Variants in APOO observed in about 807,000 individuals in gnomAD.
APOO encodes apolipoprotein O, also known as MICOS complex subunit MIC26.
A neutral mutation model predicts 23.1 loss-of-function variants in APOO; 11 were observed. The observed-to-expected ratio is 0.48, with a 90% CI of 0.30 to 0.79. The LOEUF is 0.79. APOO is among the 30% of genes least tolerant of loss of function. APOO has a pLI of 0.07. For missense variants in APOO, 160 were observed against 142.7 expected, an observed-to-expected ratio of 1.12 and a Z score of -0.62; for synonymous variants, 59 against 54.8, an observed-to-expected ratio of 1.08 and a Z score of -0.34.
chrX:23,852,771 A>C (rs1476303763), intron 7 of APOO, among the ~76,000 whole-genome samples: 2 of 110,935 alleles, frequency 1.8e-5, no homozygotes. Flanking sequence ...CTTCATCCAA[A>C]AATCATACAT....
In APOO at chrX:23,875,422, A is replaced by AT. The variant is rs111950064; in HGVS notation, c.238-966dup. On this transcript the variant is annotated intron_variant, in intron 3 of 8. Transcript: ENST00000379226. Reference sequence around the variant, plus strand: ...TTTTTATTTTTATTTTTATTAATTAATTTTTTTTTTTTTGAGATAGAGTTT... The same window carrying AT: ...TTTTTATTTTTATTTTTATTAATTAATTTTTTTTTTTTTTGAGATAGAGTTT... 9.2e-3 allele frequency among the ~76,000 whole-genome samples: 899 copies of AT among 97,764 alleles called. 3 individuals are homozygous for AT. The highest frequency in any genetic ancestry group is 0.015 in the Non-Finnish European group (709 of 48,392). The allele number at this position is 97,764 out of a possible 115,157, so 84.9% of individuals were successfully genotyped here.
At chrX:23,906,301 G>A (rs1286821808) in intron 1 of APOO, among the ~76,000 whole-genome samples, 1 of 112,774 alleles carries the variant, frequency 8.9e-6, no homozygotes, top group East Asian at 2.8e-4. Flanking sequence ...ATAGATAACT[G>A]AGACATTACC....
intron 7 of APOO, among the ~76,000 whole-genome samples, chrX:23,843,281 A>C: frequency 9.0e-6 from 1 of 111,452 alleles, no homozygotes; most frequent in East Asian, 2.8e-4. Flanking sequence ...TTGTTTGGTT[A>C]CATATCACTT....
At chrX:23,884,995 T>G (rs1926305857) in intron 1 of APOO, among the ~76,000 whole-genome samples, 1 of 111,779 alleles carries the variant, frequency 8.9e-6, no homozygotes, top group Admixed American at 9.6e-5. Context: ...ACTTAGAAAC[T>G]GTTGTCTTTT....
intron 4 of APOO, among the ~76,000 whole-genome samples, chrX:23,870,145 C>T: frequency 9.0e-6 from 1 of 110,983 alleles, no homozygotes; most frequent in Non-Finnish European, 1.9e-5. Context: ...CAACATGTGA[C>T]CTATTCATCA....
Position 23,858,636 on chromosome X carries a change from T to C in APOO, c.480+6A>G, listed in dbSNP as rs760500272. ...GGGACATCATGGATTACAGAGTTTC[T>C]CTTACCTGGGCAAACACGATGGCTT... On this transcript the variant is annotated splice_donor_region_variant and intron_variant, in intron 6 of 8. Coordinates refer to ENST00000379226, the MANE Select transcript of APOO (RefSeq NM_024122.5). 1.5e-5 allele frequency: 18 copies of C among 1,205,924 alleles called. No individual in the cohort carries two copies. The African/African-American group carries it at 3.0e-4, about 20-fold the overall frequency.
intron 7 of APOO, among the ~76,000 whole-genome samples, chrX:23,843,835 C>T (rs913190915): frequency 1.8e-5 from 2 of 111,421 alleles, no homozygotes; most frequent in African/African-American, 3.2e-5. Flanking sequence ...TTGCCTGCCT[C>T]GGCCTACAAA....
chrX:23,902,508 G>A (rs755423592), intron 1 of APOO, among the ~76,000 whole-genome samples: 17 of 111,361 alleles, frequency 1.5e-4, no homozygotes, highest in Non-Finnish European at 3.0e-4. Context: ...GTGTAATGAA[G>A]GAAATCTAAT....
chrX:23,838,550 G>A (rs918253344), intron 8 of APOO, among the ~76,000 whole-genome samples: 32 of 106,143 alleles, frequency 3.0e-4, no homozygotes, highest in South Asian at 1.3e-3. Flanking sequence ...CCAAGTAGCT[G>A]GGATTACAGG....
At chrX:23,858,368 T>C (rs1434276644) in intron 6 of APOO, among the ~76,000 whole-genome samples, 4 of 111,600 alleles carry the variant, frequency 3.6e-5, no homozygotes, top group African/African-American at 9.8e-5. Flanking sequence ...CATGTAAGTA[T>C]ACAAAAAATG....
At chrX:23,904,077 C>T (rs1927245531) in intron 1 of APOO, among the ~76,000 whole-genome samples, 1 of 111,460 alleles carries the variant, frequency 9.0e-6, no homozygotes, top group African/African-American at 3.3e-5. Context: ...TCCAAAGTGC[C>T]CAAATCAGTG....
intron 6 of APOO, among the ~76,000 whole-genome samples, chrX:23,857,074 C>A (rs979572713): frequency 9.1e-6 from 1 of 110,151 alleles, no homozygotes; most frequent in Non-Finnish European, 1.9e-5. Flanking sequence ...GAACAGAGAC[C>A]GAGGCCTACT....
intron 1 of APOO, among the ~76,000 whole-genome samples, chrX:23,888,930 A>G (rs907564493): frequency 2.9e-5 from 3 of 102,804 alleles, no homozygotes; most frequent in African/African-American, 1.1e-4. Context: ...ACTTGAGGCC[A>G]GAAGTTTAAG....
intron 1 of APOO, among the ~76,000 whole-genome samples, chrX:23,903,006 T>C (rs1927194451): frequency 8.9e-6 from 1 of 111,922 alleles, no homozygotes; most frequent in African/African-American, 3.2e-5. Context: ...ACAAGAACCA[T>C]TCATCTACCG....
At chrX:23,899,987 A>T (rs765981498) in intron 1 of APOO, among the ~76,000 whole-genome samples, 6 of 112,339 alleles carry the variant, frequency 5.3e-5, no homozygotes, top group Admixed American at 1.9e-4. Context: ...CTGTGCCTCT[A>T]ATCTCTCCGT....
chrX:23,877,764 A>T (rs1417678366), intron 3 of APOO, among the ~76,000 whole-genome samples: 2 of 101,790 alleles, frequency 2.0e-5, no homozygotes, highest in African/African-American at 7.3e-5. Flanking sequence ...ACAGAGCAAG[A>T]CTCCCTCTCA....
chrX:23,904,321 G>C (rs1198709308), intron 1 of APOO, among the ~76,000 whole-genome samples: 1 of 110,584 alleles, frequency 9.0e-6, no homozygotes, highest in Non-Finnish European at 1.9e-5. Flanking sequence ...TACAGGGTCA[G>C]ACAACTGACC....
At chrX:23,878,653 T>C (rs1387668762) in intron 3 of APOO, among the ~76,000 whole-genome samples, 2 of 111,809 alleles carry the variant, frequency 1.8e-5, no homozygotes, top group African/African-American at 6.5e-5. Context: ...TTTTAAAATG[T>C]ACAATTAAAT....
At chrX:23,835,122 C>T (rs1326657708) in intron 8 of APOO, among the ~76,000 whole-genome samples, 5 of 104,348 alleles carry the variant, frequency 4.8e-5, no homozygotes, top group East Asian at 6.0e-4. Flanking sequence ...AGTACAGTGG[C>T]GTCCTCTCGG....
Sources: allele counts gnomAD v4.1 joint callset (sites outside exome capture counted in the v4.1 genomes callset), GRCh38; gene constraint gnomAD v4.1.1; transcripts MANE v1.5; gene names NCBI Gene and HGNC (gene_info 2026-07-23, HGNC 2026-07-21).